ADAMTS2: variants seen among roughly 807,000 people sequenced by gnomAD.
The protein encoded by ADAMTS2 is ADAM metallopeptidase with thrombospondin type 1 motif 2, also known as A disintegrin and metalloproteinase with thrombospondin motifs 2.
In ADAMTS2, 50 loss-of-function variants were observed where a neutral mutation model predicts 123.0. That is an observed-to-expected ratio of 0.41 (90% CI 0.32 to 0.51). The LOEUF is 0.51. ADAMTS2 is among the 20% of genes least tolerant of loss of function. The probability of loss-of-function intolerance (pLI) is 0.35; values close to 1 mark genes in which losing one functional copy is unlikely to be tolerated. For missense variants in ADAMTS2, 1,494 were observed against 1,705.2 expected (o/e 0.88, Z 2.18); for synonymous variants, 678 against 695.4 (o/e 0.98, Z 0.39).
intron 20 of ADAMTS2, 125 bp downstream of exon 20, chr5:179,122,519 T>C (rs1453920627): frequency 1.4e-6 from 2 of 1,382,678 alleles, no homozygotes; most frequent in African/African-American, 1.4e-5. Context: ...CGCTTCTCCA[T>C]GCTCACAGAT....
intron 2 of ADAMTS2, among the ~76,000 whole-genome samples, chr5:179,333,200 A>C (rs1468001245): frequency 6.6e-6 from 1 of 152,058 alleles, no homozygotes; most frequent in Non-Finnish European, 1.5e-5. Flanking sequence ...CCCCCCATGG[A>C]ATTCCCTTTG....
At chr5:179,322,340 G>A (rs1757209033) in intron 2 of ADAMTS2, among the ~76,000 whole-genome samples, 1 of 152,158 alleles carries the variant, frequency 6.6e-6, no homozygotes, top group Admixed American at 6.5e-5. Context: ...GTCCTCACGG[G>A]GCCATCTCAA....
In ADAMTS2 at chr5:179,170,399, G is replaced by A. The variant is rs60562987; in HGVS notation, c.975+10673C>T. ...ATCCCCCAGAGTCTGTCCCCACCGT[G>A]GGGGGGACAGCTCAGCCCCCTCCTG... is the stretch of plus-strand genomic sequence containing the variant. On this transcript the variant is annotated intron_variant, in intron 5 of 21. Transcript: ENST00000251582. This position sits in a 1 kb window ranked among gnomAD's most constrained non-coding sequence, Gnocchi z 4.3. 0.16 allele frequency among the ~76,000 whole-genome samples: 23,605 copies of A among 151,952 alleles called. 2,349 individuals carry two copies. Among genetic ancestry groups the A allele is most frequent in the East Asian group, 0.35 (1,806 of 5,144 alleles).
chr5:179,282,753 T>C (rs928937633), intron 2 of ADAMTS2, among the ~76,000 whole-genome samples: 5 of 152,132 alleles, frequency 3.3e-5, no homozygotes, highest in East Asian at 1.9e-4. Flanking sequence ...TTAGGAAACA[T>C]TGGCCTACAA....
At chr5:179,343,634 T>G (rs1757844200) in intron 2 of ADAMTS2, 133 bp downstream of exon 2, 1 of 1,256,772 alleles carries the variant, frequency 8.0e-7, no homozygotes, top group Non-Finnish European at 1.1e-6. Flanking sequence ...AGCACGAGGC[T>G]CACTAAAGCA....
chr5:179,129,379 T>C lies in ADAMTS2; in HGVS notation c.2457+553A>G, dbSNP rs7735931. 1.3e-5 allele frequency among the ~76,000 whole-genome samples: 2 copies of C among 152,172 alleles called. No individual in the cohort carries two copies. Among genetic ancestry groups the C allele is most frequent in the East Asian group, 3.9e-4 (2 of 5,192 alleles). Reference sequence around the variant, plus strand: ...GCATGGGAGCCTTATTTGTGATATGTACCTTTTTTGACAAATAAAATATAT... The same window carrying C: ...GCATGGGAGCCTTATTTGTGATATGCACCTTTTTTGACAAATAAAATATAT... On this transcript the variant is annotated intron_variant, in intron 16 of 21. Coordinates refer to ENST00000251582, the MANE Select transcript of ADAMTS2 (RefSeq NM_014244.5). The surrounding 1 kb of genome is among the most constrained non-coding windows in gnomAD (Gnocchi z 4.1).
chr5:179,236,135 G>C (rs545249998), intron 3 of ADAMTS2, among the ~76,000 whole-genome samples: 2 of 152,226 alleles, frequency 1.3e-5, no homozygotes, highest in Non-Finnish European at 2.9e-5. Context: ...GGTCAGCTCC[G>C]CTCCCAGGCA....
chr5:179,122,273 G>A (rs753587384), intron 20 of ADAMTS2, among the ~76,000 whole-genome samples: 4 of 152,090 alleles, frequency 2.6e-5, no homozygotes, highest in Non-Finnish European at 5.9e-5. Context: ...GCATCTGTGC[G>A]TGGTAGGTAT....
chr5:179,306,540 G>A (rs571338425), intron 2 of ADAMTS2, among the ~76,000 whole-genome samples: 18 of 152,088 alleles, frequency 1.2e-4, no homozygotes, highest in Non-Finnish European at 2.5e-4. Flanking sequence ...CTAAAATAAG[G>A]AGCATTTTCA....
rs537418691 is a variant in ADAMTS2 at position 179,146,749 on chromosome 5, AT to A, written c.1629+5392del. 4.3e-3 allele frequency among the ~76,000 whole-genome samples: 655 copies of A among 152,014 alleles called. 5 individuals are homozygous for A. The highest frequency in any genetic ancestry group is 0.015 in the African/African-American group (623 of 41,482). On this transcript the variant is annotated intron_variant, in intron 10 of 21. Coordinates refer to ENST00000251582, the MANE Select transcript of ADAMTS2 (RefSeq NM_014244.5). ...TGAGCTTTTTGAAGTCAGAGTTATT[AT>A]TTTTTTTATTTCCTTGCTCATTTTC... is the stretch of plus-strand genomic sequence containing the variant.
At chr5:179,299,255 C>A (rs375099427) in intron 2 of ADAMTS2, among the ~76,000 whole-genome samples, 8 of 149,552 alleles carry the variant, frequency 5.3e-5, no homozygotes, top group African/African-American at 9.9e-5. Context: ...TTTGTCCAGG[C>A]GCGGTGGCTC....
At position 179,308,684 on chromosome 5, in the gene ADAMTS2, C is replaced by T. The variant is rs528404078; in HGVS notation, c.534+35083G>A. Among the ~76,000 whole-genome samples the T allele has an allele frequency of 7.0e-4, 106 of 152,200 alleles. No individual in the cohort carries two copies. The highest frequency in any genetic ancestry group is 1.4e-3 in the Non-Finnish European group (93 of 68,026). ...CCCAAGGCCTCTCAGAGAAGTGCCT[C>T]CTTCCTAAGGTGGTGTCCCAGCAGA... On this transcript the variant is annotated intron_variant, in intron 2 of 21. Coordinates refer to ENST00000251582, the MANE Select transcript of ADAMTS2 (RefSeq NM_014244.5). The surrounding 1 kb of genome is among the most constrained non-coding windows in gnomAD (Gnocchi z 6.6).
intron 5 of ADAMTS2, among the ~76,000 whole-genome samples, chr5:179,166,350 G>C (rs188267081): frequency 6.6e-6 from 1 of 152,192 alleles, no homozygotes; most frequent in African/African-American, 2.4e-5. Context: ...GAAAGACCCA[G>C]GGATCCCACC....
chr5:179,316,828 G>A (rs1467470407), intron 2 of ADAMTS2, among the ~76,000 whole-genome samples: 1 of 152,182 alleles, frequency 6.6e-6, no homozygotes, highest in Admixed American at 6.5e-5. Flanking sequence ...TGTACTTTCA[G>A]CTACTTTGGA....
chr5:179,127,715 G>T (rs1386917709), intron 17 of ADAMTS2, among the ~76,000 whole-genome samples: 1 of 152,050 alleles, frequency 6.6e-6, no homozygotes, highest in Non-Finnish European at 1.5e-5. Flanking sequence ...CACTGAAGCA[G>T]GCCCACAAAT....
At chr5:179,235,617 C>T (rs1765506017) in intron 3 of ADAMTS2, among the ~76,000 whole-genome samples, 1 of 152,214 alleles carries the variant, frequency 6.6e-6, no homozygotes, top group South Asian at 2.1e-4. Flanking sequence ...AGCATCTGAG[C>T]AGGGCCAACG....
At chr5:179,315,045 C>G (rs1449339808) in intron 2 of ADAMTS2, among the ~76,000 whole-genome samples, 2 of 149,888 alleles carry the variant, frequency 1.3e-5, no homozygotes, top group South Asian at 2.1e-4. Flanking sequence ...CCCACCCCCC[C>G]CACAATCCCC....
chr5:179,204,552 C>T (rs987654449), intron 4 of ADAMTS2, among the ~76,000 whole-genome samples: 2 of 152,208 alleles, frequency 1.3e-5, no homozygotes, highest in African/African-American at 4.8e-5. Context: ...TCTGGAAGGT[C>T]ACCCTTTCTC....
chr5:179,245,765 C>CAAAAAAAAAAAAAAA (rs1171837041), intron 3 of ADAMTS2, among the ~76,000 whole-genome samples: 2 of 17,210 alleles, frequency 1.2e-4, no homozygotes, highest in East Asian at 2.5e-3. Context: ...GACTCCGTCT[C>CAAAAAAAAAAAAAAA]AAAAAAAAAA....
Sources: allele counts gnomAD v4.1 joint callset (sites outside exome capture counted in the v4.1 genomes callset), GRCh38; gene constraint gnomAD v4.1.1; non-coding constraint Gnocchi (gnomAD v3.1); transcripts MANE v1.5; gene names NCBI Gene and HGNC (gene_info 2026-07-23, HGNC 2026-07-21).